The following FREM1 variants were observed in gnomAD, a reference collection of about 807,000 sequenced individuals.
FREM1 encodes FRAS1-related extracellular matrix protein 1.
In FREM1, 220 loss-of-function variants were observed where a neutral mutation model predicts 210.1. That is an observed-to-expected ratio of 1.05 (90% CI 0.94 to 1.17). The LOEUF is 1.17. Among genes scored for constraint, FREM1 ranks in the 50% most tolerant of loss-of-function variants. FREM1 has a pLI of 0.00. For synonymous variants in FREM1, 1,189 were observed against 980.2 expected, an observed-to-expected ratio of 1.21 and a Z score of -3.98; for missense variants, 3,454 against 2,675.5, an observed-to-expected ratio of 1.29 and a Z score of -6.42.
intron 15 of FREM1, among the ~76,000 whole-genome samples, chr9:14,814,723 G>C (rs945173184): frequency 6.6e-6 from 1 of 152,254 alleles, no homozygotes; most frequent in African/African-American, 2.4e-5. Flanking sequence ...GTTCACAAAA[G>C]AGTCTCAGCT....
At chr9:14,778,984 T>C (rs2132717816) in intron 24 of FREM1, among the ~76,000 whole-genome samples, 1 of 152,348 alleles carries the variant, frequency 6.6e-6, no homozygotes, top group South Asian at 2.1e-4. Flanking sequence ...AGTAAACTGA[T>C]ATACATTTTT....
rs540855544 is a variant in FREM1, at chr9:14,823,634, T to C, written c.2170-307A>G. Among the ~76,000 whole-genome samples the C allele has an allele frequency of 2.6e-5, 4 of 152,288 alleles. No individual in the cohort carries two copies. The South Asian group carries it at 6.2e-4, about 24-fold the overall frequency. ...AGAAAATAAAGCTCATAGTCCTTTATGTCCTGGCAGTTTATTTTAAACCAC... is the reference window on the plus strand; with the variant it reads ...AGAAAATAAAGCTCATAGTCCTTTACGTCCTGGCAGTTTATTTTAAACCAC... On this transcript the variant is annotated intron_variant, in intron 12 of 36. Coordinates refer to ENST00000380880, the MANE Select transcript of FREM1 (RefSeq NM_001379081.2).
In FREM1 at chr9:14,865,661, CTGTGTGTGTGTG is replaced by C. The variant is rs56960871; in HGVS notation, c.235-1770_235-1759del. On this transcript the variant is annotated intron_variant, in intron 2 of 36. Transcript: ENST00000380880. ...GCTCTATTAAAGAATAATGTTTAGG[CTGTGTGTGTGTG>C]TGTGTGTGTGTGTGTGTGTGTGTGT... 4.1e-3 allele frequency among the ~76,000 whole-genome samples: 599 copies of C among 144,614 alleles called. 3 individuals are homozygous for C. The highest frequency in any genetic ancestry group is 0.015 in the African/African-American group (572 of 38,722). 94.9% of individuals were successfully genotyped at this position (144,614 alleles called of 152,430 possible).
intron 1 of FREM1, among the ~76,000 whole-genome samples, chr9:14,882,403 A>C (rs1294889300): frequency 6.6e-6 from 1 of 151,498 alleles, no homozygotes; most frequent in Non-Finnish European, 1.5e-5. Context: ...GAAAGAATAG[A>C]CTTGAATTTT....
In FREM1 at chr9:14,846,084, A is replaced by C; in HGVS notation, c.1269T>G (p.Ser423Arg). ...TGGCTCGAGACTGCCCCTCAAGGAG[A>C]CTCAGACCTATGAAAGAAAGGAGAA... ...APRVSWNTGLSLLEGQSRAIT... is the reference protein window; with the variant it reads ...APRVSWNTGLRLLEGQSRAIT... Residue 423 changes from serine to arginine, a missense_variant, in exon 8 of 37, where the codon AGT becomes AGG. By Grantham distance (110) the Ser-to-Arg change is moderately radical (BLOSUM62 -1). Coordinates refer to ENST00000380880, the MANE Select transcript of FREM1 (RefSeq NM_001379081.2). 1 of 1,573,162 alleles carries C rather than the reference A, an allele frequency of 6.4e-7. No homozygotes were observed. The highest frequency in any genetic ancestry group is 1.2e-5 in the South Asian group (1 of 86,174).
chr9:14,815,688 C>T (rs971421036), intron 15 of FREM1, among the ~76,000 whole-genome samples: 1 of 152,098 alleles, frequency 6.6e-6, no homozygotes, highest in Non-Finnish European at 1.5e-5. Context: ...CGCTCTGTTG[C>T]CCAGGCTGGA....
At chr9:14,844,225 C>CTTTTTTTT (rs35686371) in intron 8 of FREM1, among the ~76,000 whole-genome samples, 4 of 138,782 alleles carry the variant, frequency 2.9e-5, no homozygotes, top group Non-Finnish European at 1.6e-5. Context: ...ACAACTCTTC[C>CTTTTTTTT]TTTTTTTTTT....
chr9:14,765,153 A>T (rs1389895421), intron 27 of FREM1, among the ~76,000 whole-genome samples: 2 of 152,174 alleles, frequency 1.3e-5, no homozygotes, highest in African/African-American at 4.8e-5. Flanking sequence ...AAAATGTTAA[A>T]AAAATATTTT....
At chr9:14,739,139 T>C (rs1840968719) in intron 36 of FREM1, among the ~76,000 whole-genome samples, 1 of 151,896 alleles carries the variant, frequency 6.6e-6, no homozygotes, top group South Asian at 2.1e-4. Context: ...GGTCTTGCTC[T>C]GTTGCCTAGG....
At chr9:14,742,583 G>A (rs1841767568) in intron 35 of FREM1, among the ~76,000 whole-genome samples, 3 of 152,128 alleles carry the variant, frequency 2.0e-5, no homozygotes, top group Non-Finnish European at 4.4e-5. Context: ...TGCTGTCCTT[G>A]TGGAAATATG....
At chr9:14,828,210 G>A (rs1332108065) in intron 10 of FREM1, among the ~76,000 whole-genome samples, 1 of 152,234 alleles carries the variant, frequency 6.6e-6, no homozygotes, top group Admixed American at 6.5e-5. Context: ...AGCCATAAAG[G>A]TGGAATTGCC....
intron 24 of FREM1, among the ~76,000 whole-genome samples, chr9:14,776,926 G>A (rs540494607): frequency 1.3e-5 from 2 of 152,340 alleles, no homozygotes; most frequent in East Asian, 3.9e-4. Context: ...TAAGACAGAT[G>A]AGAGTTATGC....
At chr9:14,883,090 G>C (rs1835107209) in intron 1 of FREM1, among the ~76,000 whole-genome samples, 1 of 151,958 alleles carries the variant, frequency 6.6e-6, no homozygotes, top group Admixed American at 6.6e-5. Flanking sequence ...AGAGTAGAAG[G>C]AATTGGGCCT....
chr9:14,890,985 G>C (rs573594637), intron 1 of FREM1, among the ~76,000 whole-genome samples: 2 of 152,282 alleles, frequency 1.3e-5, no homozygotes, highest in South Asian at 4.1e-4. Context: ...CTTAAGCAGA[G>C]TGAAAAACAC....
At chr9:14,754,494 C>A (rs551555295) in intron 29 of FREM1, among the ~76,000 whole-genome samples, 3 of 152,226 alleles carry the variant, frequency 2.0e-5, no homozygotes, top group African/African-American at 4.8e-5. Flanking sequence ...GGCTGAATGG[C>A]GTTTCTAAAA....
chr9:14,834,769 C>G (rs989866649), intron 10 of FREM1, among the ~76,000 whole-genome samples: 1 of 152,056 alleles, frequency 6.6e-6, no homozygotes, highest in African/African-American at 2.4e-5. Context: ...TTGGTGAACA[C>G]TAATATATGT....
intron 1 of FREM1, among the ~76,000 whole-genome samples, chr9:14,903,813 T>A (rs1817151080): frequency 6.6e-6 from 1 of 151,350 alleles, no homozygotes; most frequent in Admixed American, 6.6e-5. Flanking sequence ...ATCTTTGAGC[T>A]CTTTCTATTA....
chr9:14,867,112 A>G (rs1341524265), intron 2 of FREM1, among the ~76,000 whole-genome samples: 1 of 152,100 alleles, frequency 6.6e-6, no homozygotes, highest in African/African-American at 2.4e-5. Context: ...CACCCGCCTC[A>G]GCCACCCAAA....
intron 29 of FREM1, among the ~76,000 whole-genome samples, chr9:14,751,528 C>T (rs1843388038): frequency 6.6e-6 from 1 of 152,102 alleles, no homozygotes; most frequent in South Asian, 2.1e-4. Context: ...GGCGTGGTGG[C>T]ACGTGCCTGT....
Sources: allele counts gnomAD v4.1 joint callset (sites outside exome capture counted in the v4.1 genomes callset), GRCh38; gene constraint gnomAD v4.1.1; transcripts MANE v1.5; gene names NCBI Gene and HGNC (gene_info 2026-07-23, HGNC 2026-07-21).